BEND7: variants seen among roughly 807,000 people sequenced by gnomAD.
The protein encoded by BEND7 is BEN domain containing 7.
In BEND7, 28 loss-of-function variants were observed where a neutral mutation model predicts 50.9. The observed-to-expected ratio is 0.55, with a 90% CI of 0.41 to 0.75. The LOEUF is 0.75. Ranked by LOEUF, BEND7 falls within the 30% of genes least tolerant of loss-of-function variation. BEND7 has a pLI of 0.00. For missense variants in BEND7, 477 were observed against 491.3 expected, an observed-to-expected ratio of 0.97 and a Z score of 0.28; for synonymous variants, 170 against 183.9, an observed-to-expected ratio of 0.92 and a Z score of 0.61.
chr10:13,500,795 A>AG (rs1397686824), intron 2 of BEND7: 2 of 985,230 alleles, frequency 2.0e-6, no homozygotes, highest in African/African-American at 3.5e-5. Flanking sequence ...GTGATGACCG[A>AG]GGGGTCCCTG....
At chr10:13,454,043 A>C (rs978376213) in intron 6 of BEND7, among the ~76,000 whole-genome samples, 15 of 152,244 alleles carry the variant, frequency 9.9e-5, no homozygotes, top group Non-Finnish European at 2.2e-4. Context: ...CAAGGAGCCC[A>C]GAGAGCAGCA....
At chr10:13,454,095 G>T (rs1317765184) in intron 6 of BEND7, among the ~76,000 whole-genome samples, 1 of 152,232 alleles carries the variant, frequency 6.6e-6, no homozygotes, top group Admixed American at 6.5e-5. Flanking sequence ...GCCGGAGCTA[G>T]TGACGCGTCT....
Position 13,441,599 on chromosome 10 carries a change from C to T in BEND7, c.*144G>A. The stretch of plus-strand genomic sequence containing the variant: ...TTAGCGTTTCTGCCTTGACCAGCAA[C>T]ATACTCATCCTATTTTAACACGGCG... On this transcript the variant is annotated 3_prime_UTR_variant, in exon 9 of 9. Coordinates refer to ENST00000466271, the MANE Select transcript of BEND7 (RefSeq NM_001369863.1). The T allele has an allele frequency of 6.6e-7, 1 of 1,509,856 alleles. No homozygotes were observed. The highest frequency in any genetic ancestry group is 8.9e-7 in the Non-Finnish European group (1 of 1,129,538). The allele number at this position is 1,509,856 out of a possible 1,614,324, so 93.5% of individuals were successfully genotyped here.
rs557458291 is a variant in BEND7, at chr10:13,448,692, G to A, written c.1184-1376C>T. ...GGATGAAATATGCAAGACCAACCTA[G>A]GTTGGATTAGATTAGCAACTGCTAA... On this transcript the variant is annotated intron_variant, in intron 7 of 8. Coordinates refer to ENST00000466271, the MANE Select transcript of BEND7 (RefSeq NM_001369863.1). Among the ~76,000 whole-genome samples the A allele has an allele frequency of 1.5e-3, 223 of 152,236 alleles. 1 individual carries two copies. Among genetic ancestry groups the A allele is most frequent in the African/African-American group, 5.3e-3 (219 of 41,534 alleles).
intron 8 of BEND7, 51 bp from the exon 9 acceptor site, chr10:13,441,801 G>C (rs201379074): frequency 6.4e-7 from 1 of 1,566,122 alleles, no homozygotes; most frequent in East Asian, 2.2e-5. Context: ...TTACTGGCCA[G>C]AAATGGAAAA....
chr10:13,509,855 C>G lies in BEND7; in HGVS notation c.146-9775G>C, dbSNP rs534263268. ...CTTCATCCTCAAAGTGACAGGAGAT[C>G]AATGAAGGTTTTTGTAAGAGCGATA... On this transcript the variant is annotated intron_variant, in intron 2 of 8. Transcript: ENST00000466271. Among the ~76,000 whole-genome samples the G allele has an allele frequency of 6.6e-5, 10 of 152,280 alleles. 1 individual carries two copies. In the South Asian group the frequency reaches 1.7e-3, roughly 25 times the overall value.
intron 4 of BEND7, among the ~76,000 whole-genome samples, chr10:13,495,305 G>GT (rs1364751769): frequency 6.6e-6 from 1 of 152,244 alleles, no homozygotes; most frequent in Non-Finnish European, 1.5e-5. Context: ...AACAAGGTGA[G>GT]TCCAATGCTT....
intron 6 of BEND7, among the ~76,000 whole-genome samples, chr10:13,478,073 GA>G (rs2075587068): frequency 6.6e-6 from 1 of 152,222 alleles, no homozygotes; most frequent in African/African-American, 2.4e-5. Flanking sequence ...TTATAGGGGA[GA>G]GGGGAGGGAG....
At chr10:13,487,641 C>T (rs1413239252) in intron 5 of BEND7, among the ~76,000 whole-genome samples, 1 of 152,070 alleles carries the variant, frequency 6.6e-6, no homozygotes, top group Non-Finnish European at 1.5e-5. Flanking sequence ...TAGCCTCAGC[C>T]TCCCAAAGTG....
chr10:13,471,415 G>C (rs1469720471), intron 6 of BEND7, among the ~76,000 whole-genome samples: 8 of 152,214 alleles, frequency 5.3e-5, no homozygotes, highest in Admixed American at 5.2e-4. Context: ...AATGTCAACT[G>C]AACAAGTGTT....
At chr10:13,491,331 A>T (rs76915318) in intron 5 of BEND7, among the ~76,000 whole-genome samples, 3 of 151,634 alleles carry the variant, frequency 2.0e-5, no homozygotes, top group Non-Finnish European at 4.4e-5. Flanking sequence ...AAAAAAAAAA[A>T]ATGCTTAGAA....
chr10:13,505,303 C>A (rs1407221422), intron 2 of BEND7, among the ~76,000 whole-genome samples: 1 of 152,222 alleles, frequency 6.6e-6, no homozygotes, highest in African/African-American at 2.4e-5. Flanking sequence ...TTGCACCCCA[C>A]GTGGACTGTG....
At chr10:13,490,167 G>C (rs2076547383) in intron 5 of BEND7, among the ~76,000 whole-genome samples, 1 of 152,104 alleles carries the variant, frequency 6.6e-6, no homozygotes, top group Admixed American at 6.5e-5. Context: ...TTGGCATTTG[G>C]GTGACACTAC....
At chr10:13,447,745 G>A (rs1176513519) in intron 7 of BEND7, among the ~76,000 whole-genome samples, 2 of 151,796 alleles carry the variant, frequency 1.3e-5, no homozygotes, top group Non-Finnish European at 2.9e-5. Flanking sequence ...GGGTTTCACT[G>A]TGTTAGCCAG....
chr10:13,469,369 C>T (rs969136357), intron 6 of BEND7, among the ~76,000 whole-genome samples: 2 of 151,900 alleles, frequency 1.3e-5, no homozygotes, highest in Non-Finnish European at 2.9e-5. Context: ...CTCTCTCATG[C>T]TAAGGGTTTT....
At chr10:13,484,758 A>T (rs1293538635) in intron 5 of BEND7, among the ~76,000 whole-genome samples, 1 of 152,240 alleles carries the variant, frequency 6.6e-6, no homozygotes, top group Non-Finnish European at 1.5e-5. Context: ...AGACACTTAG[A>T]GTCATGATTT....
intron 5 of BEND7, among the ~76,000 whole-genome samples, chr10:13,484,848 T>C (rs1392897999): frequency 6.6e-6 from 1 of 152,240 alleles, no homozygotes; most frequent in Non-Finnish European, 1.5e-5. Context: ...CTTGGCCACT[T>C]AGTACAACAA....
At chr10:13,443,938 A>C (rs1313690148) in intron 8 of BEND7, 2 of 152,228 alleles carry the variant, frequency 1.3e-5, no homozygotes, top group African/African-American at 4.8e-5. Context: ...CACTTTTATT[A>C]ATTTTTTAAA....
intron 7 of BEND7, among the ~76,000 whole-genome samples, chr10:13,449,017 C>T (rs1011950871): frequency 7.0e-6 from 1 of 143,706 alleles, no homozygotes; most frequent in African/African-American, 2.6e-5. Flanking sequence ...TATTTAACAA[C>T]ATAAAAATAT....
Sources: gnomAD v4.1 joint callset for allele counts (sites outside exome capture counted in the v4.1 genomes callset) on GRCh38, gnomAD v4.1.1 for gene constraint, MANE v1.5 for transcripts, NCBI Gene and HGNC (gene_info 2026-07-23, HGNC 2026-07-21) for gene names.